PCGF5: variants seen among roughly 807,000 people sequenced by gnomAD.
PCGF5 encodes polycomb group RING finger protein 5.
A neutral mutation model predicts 44.3 loss-of-function variants in PCGF5; 9 were observed. The ratio of observed to expected loss-of-function variants is 0.20; its 90% CI spans 0.12 to 0.35. The LOEUF (loss-of-function observed/expected upper bound fraction) is 0.35, where lower values mean the gene tolerates loss of function less well. PCGF5 is among the 10% of genes least tolerant of loss of function. The pLI is 1.00. For missense variants in PCGF5, 146 were observed against 305.3 expected (o/e 0.48, Z 3.89); for synonymous variants, 95 against 102.5 (o/e 0.93, Z 0.44).
intron 9 of PCGF5, among the ~76,000 whole-genome samples, chr10:91,276,153 A>C (rs2133467937): frequency 6.6e-6 from 1 of 152,114 alleles, no homozygotes; most frequent in African/African-American, 2.4e-5. Flanking sequence ...ATATACACTA[A>C]AATTATTATG....
intron 1 of PCGF5, among the ~76,000 whole-genome samples, chr10:91,205,654 A>G (rs1844334866): frequency 6.6e-6 from 1 of 152,154 alleles, no homozygotes; most frequent in Non-Finnish European, 1.5e-5. Flanking sequence ...GCATCGGACC[A>G]CATCAGAATC....
intron 1 of PCGF5, among the ~76,000 whole-genome samples, chr10:91,172,622 C>T (rs1267146666): frequency 6.6e-6 from 1 of 152,224 alleles, no homozygotes; most frequent in Non-Finnish European, 1.5e-5. Context: ...CCTTTAAACA[C>T]TTCCTCAATG....
intron 1 of PCGF5, among the ~76,000 whole-genome samples, chr10:91,189,803 A>C (rs756374847): frequency 6.6e-6 from 1 of 152,246 alleles, no homozygotes; most frequent in Non-Finnish European, 1.5e-5. Context: ...TGAGCACATT[A>C]ATATTTTCAT....
intron 3 of PCGF5, among the ~76,000 whole-genome samples, chr10:91,244,191 G>T (rs1294384609): frequency 6.6e-6 from 1 of 152,048 alleles, no homozygotes; most frequent in Non-Finnish European, 1.5e-5. Context: ...TGTGAAGTGG[G>T]GGCAGATTGC....
In PCGF5 at chr10:91,283,312, G is replaced by C. The variant is rs1445331809; in HGVS notation, c.*4996G>C. 6.6e-6 allele frequency: 1 copy of C among 152,152 alleles called. No individual in the cohort carries two copies. The highest frequency in any genetic ancestry group is 1.5e-5 in the Non-Finnish European group (1 of 68,030). 9.4% of individuals were successfully genotyped at this position (152,152 alleles called of 1,614,324 possible). A position where few individuals can be genotyped will look rare whatever the true frequency, so the allele number is the denominator to read the frequency against. ...TTATTTTAAATGCTCATTCAAATGTGTCTGTATACTTGCTATGCCCCTTTT... is the reference window on the plus strand; with the variant it reads ...TTATTTTAAATGCTCATTCAAATGTCTCTGTATACTTGCTATGCCCCTTTT... On this transcript the variant is annotated 3_prime_UTR_variant, in exon 10 of 10. Coordinates refer to ENST00000336126, the MANE Select transcript of PCGF5 (RefSeq NM_032373.5).
At chr10:91,227,457 C>T in intron 2 of PCGF5, 1 of 1,288,742 alleles carries the variant, frequency 7.8e-7, no homozygotes, top group South Asian at 1.2e-5. Flanking sequence ...ATGCTCCATG[C>T]TTGACTCTTT....
intron 5 of PCGF5, among the ~76,000 whole-genome samples, chr10:91,249,640 A>C (rs1845574878): frequency 6.6e-6 from 1 of 151,696 alleles, no homozygotes; most frequent in South Asian, 2.1e-4. Flanking sequence ...GGTGGATGAG[A>C]TCTCCCTTTT....
intron 1 of PCGF5, among the ~76,000 whole-genome samples, chr10:91,207,538 TTA>T (rs1304302817): frequency 6.6e-6 from 1 of 152,212 alleles, no homozygotes; most frequent in East Asian, 1.9e-4. Context: ...GGACATACAG[TTA>T]CTATATTCAG....
At chr10:91,210,565 G>A (rs1164667241) in intron 1 of PCGF5, among the ~76,000 whole-genome samples, 1 of 152,172 alleles carries the variant, frequency 6.6e-6, no homozygotes, top group Non-Finnish European at 1.5e-5. Flanking sequence ...TAGAAGCACA[G>A]GGCCAGCAGA....
chr10:91,194,676 G>A (rs1475656589), intron 1 of PCGF5, among the ~76,000 whole-genome samples: 1 of 152,104 alleles, frequency 6.6e-6, no homozygotes, highest in African/African-American at 2.4e-5. Flanking sequence ...AGGAGAAAAA[G>A]GTCTCGAATT....
At chr10:91,245,009 A>C (rs534235391) in intron 3 of PCGF5, among the ~76,000 whole-genome samples, 133 of 152,288 alleles carry the variant, frequency 8.7e-4, no homozygotes, top group African/African-American at 3.0e-3. Context: ...CAACATATAG[A>C]AGGTCTTTCA....
At chr10:91,255,208 A>C (rs1253483956) in intron 6 of PCGF5, among the ~76,000 whole-genome samples, 2 of 152,098 alleles carry the variant, frequency 1.3e-5, no homozygotes, top group Non-Finnish European at 2.9e-5. Context: ...AAACAATTAC[A>C]GGCAAATGTT....
At chr10:91,265,397 T>C (rs182707254) in intron 8 of PCGF5, among the ~76,000 whole-genome samples, 4 of 152,258 alleles carry the variant, frequency 2.6e-5, no homozygotes, top group African/African-American at 9.6e-5. Context: ...AGATTGGCTA[T>C]AAGGTTGGAG....
At chr10:91,198,242 C>G (rs1045224636) in intron 1 of PCGF5, among the ~76,000 whole-genome samples, 1 of 152,218 alleles carries the variant, frequency 6.6e-6, no homozygotes, top group African/African-American at 2.4e-5. Flanking sequence ...CGAGACCCAT[C>G]CTGTCTCCCT....
At chr10:91,253,534 T>G (rs1431907768) in intron 6 of PCGF5, among the ~76,000 whole-genome samples, 2 of 152,088 alleles carry the variant, frequency 1.3e-5, no homozygotes, top group African/African-American at 4.8e-5. Flanking sequence ...TTCATCTAAC[T>G]TTGGTCCAAA....
intron 2 of PCGF5, among the ~76,000 whole-genome samples, chr10:91,232,232 G>T (rs1845027622): frequency 6.6e-6 from 1 of 152,166 alleles, no homozygotes; most frequent in African/African-American, 2.4e-5. Flanking sequence ...AGGTCATGGT[G>T]GTCTTTTCAA....
At chr10:91,242,736 T>C (rs1384562810) in intron 3 of PCGF5, among the ~76,000 whole-genome samples, 1 of 152,186 alleles carries the variant, frequency 6.6e-6, no homozygotes, top group Non-Finnish European at 1.5e-5. Flanking sequence ...CATATGTGTA[T>C]TGGATGCTTT....
chr10:91,176,167 G>A (rs904586237), intron 1 of PCGF5, among the ~76,000 whole-genome samples: 1 of 152,034 alleles, frequency 6.6e-6, no homozygotes, highest in Non-Finnish European at 1.5e-5. Flanking sequence ...CCTTCACTTA[G>A]GAAGCTTAGT....
At chr10:91,190,782 C>T (rs1007256575) in intron 1 of PCGF5, among the ~76,000 whole-genome samples, 1 of 151,982 alleles carries the variant, frequency 6.6e-6, no homozygotes, top group African/African-American at 2.4e-5. Flanking sequence ...GATTATTGTG[C>T]TGGTTTTCAT....
Sources: gnomAD v4.1 joint callset for allele counts (sites outside exome capture counted in the v4.1 genomes callset) on GRCh38, gnomAD v4.1.1 for gene constraint, MANE v1.5 for transcripts, NCBI Gene and HGNC (gene_info 2026-07-23, HGNC 2026-07-21) for gene names.